The following RANBP3 variants were observed in gnomAD, a reference collection of about 807,000 sequenced individuals.
The protein encoded by RANBP3 is RAN binding protein 3.
A neutral mutation model predicts 77.3 loss-of-function variants in RANBP3; 14 were observed. That is an observed-to-expected ratio of 0.18 (90% CI 0.12 to 0.28). RANBP3 has a LOEUF of 0.28. RANBP3 is among the 10% of genes least tolerant of loss of function. RANBP3 has a pLI of 1.00. For missense variants in RANBP3, 586 were observed against 752.3 expected, an observed-to-expected ratio of 0.78 and a Z score of 2.59; for synonymous variants, 315 against 312.4, an observed-to-expected ratio of 1.01 and a Z score of -0.09.
At chr19:5,918,018 G>C in intron 15 of RANBP3, 38 bp from the exon 16 acceptor site, 1 of 1,537,862 alleles carries the variant, frequency 6.5e-7, no homozygotes, top group Non-Finnish European at 8.8e-7. Context: ...CCGGACCCCA[G>C]TCCTACCCCC....
chr19:5,935,701 G>A (rs755545650), intron 5 of RANBP3: 2 of 456,566 alleles, frequency 4.4e-6, no homozygotes, highest in South Asian at 3.1e-5. Flanking sequence ...CTAGTGCTAG[G>A]CCCAGAGCGT....
chr19:5,927,705 C>T lies in RANBP3; in HGVS notation c.813+263G>A, dbSNP rs556961920. Reference sequence around the variant, plus strand: ...CAGGTTCAGTCACCTTCCCTGTCCCCGCTACCATGAGAACCAGGGACCCTG... The same window carrying T: ...CAGGTTCAGTCACCTTCCCTGTCCCTGCTACCATGAGAACCAGGGACCCTG... On this transcript the variant is annotated intron_variant, in intron 9 of 16. Transcript: ENST00000340578. Among the ~76,000 whole-genome samples the T allele has an allele frequency of 5.3e-5, 8 of 152,326 alleles. 1 individual carries two copies. The highest frequency in any genetic ancestry group is 1.2e-4 in the African/African-American group (5 of 41,566).
At chr19:5,953,290 A>G (rs2058297134) in intron 2 of RANBP3, among the ~76,000 whole-genome samples, 1 of 152,204 alleles carries the variant, frequency 6.6e-6, no homozygotes, top group South Asian at 2.1e-4. Flanking sequence ...GCTCTAAAGA[A>G]CTAAGGTGAA....
chr19:5,960,874 A>T (rs1210055780), intron 1 of RANBP3, among the ~76,000 whole-genome samples: 1 of 152,162 alleles, frequency 6.6e-6, no homozygotes, highest in Non-Finnish European at 1.5e-5. Flanking sequence ...CCTCTGATGG[A>T]GCAACCCTGT....
At position 5,951,590 on chromosome 19, in the gene RANBP3, C is replaced by G; in HGVS notation, c.85G>C (p.Ala29Pro). The G allele has an allele frequency of 1.2e-6, 2 of 1,613,464 alleles. No individual in the cohort carries two copies. The highest frequency in any genetic ancestry group is 1.7e-6 in the Non-Finnish European group (2 of 1,179,764). The part of the protein sequence containing the change: ...FQKDKGQKSP[A>P]EQKNLSDSGE... ...GAATCCGACAAGTTTTTTTGCTCTG[C>G]AGGGGACTGGGAGCAAAAAAGACAA... The change falls in exon 3 of 17, where the codon GCA becomes CCA. Residue 29 changes from alanine to proline, a missense_variant. Around this residue, in one of 5 missense-constraint regions of RANBP3, gnomAD observed 172 missense variants for 183.4 expected, o/e 0.94. Coordinates refer to ENST00000340578, the MANE Select transcript of RANBP3 (RefSeq NM_007322.3).
rs1420881235 is a variant in RANBP3, at chr19:5,916,991, C to T, written c.*619G>A. On this transcript the variant is annotated 3_prime_UTR_variant, in exon 17 of 17. Transcript: ENST00000340578. ...CTCGAGAGCATCTTAACCTAAGAAA[C>T]CAAAACAAAGCCTTCGAAAATAAAA... 1 of 154,150 alleles carries T rather than the reference C, an allele frequency of 6.5e-6. No homozygotes were observed. The highest frequency in any genetic ancestry group is 1.5e-5 in the Non-Finnish European group (1 of 68,468). 9.5% of individuals were successfully genotyped at this position (154,150 alleles called of 1,614,324 possible). A position where few individuals can be genotyped will look rare whatever the true frequency, so the allele number is the denominator to read the frequency against.
chr19:5,948,789 T>G (rs1024445947), intron 3 of RANBP3, among the ~76,000 whole-genome samples: 1 of 152,072 alleles, frequency 6.6e-6, no homozygotes, highest in African/African-American at 2.4e-5. Context: ...AGCTCCCTGG[T>G]GGGTCTAATA....
At chr19:5,971,920 C>T (rs563534324) in intron 1 of RANBP3, among the ~76,000 whole-genome samples, 3 of 152,368 alleles carry the variant, frequency 2.0e-5, no homozygotes, top group Admixed American at 2.0e-4. Context: ...AATCTATCCA[C>T]AGGCGCAGCT....
At chr19:5,977,619 A>G (rs2058610685) in intron 1 of RANBP3, among the ~76,000 whole-genome samples, 1 of 142,644 alleles carries the variant, frequency 7.0e-6, no homozygotes, top group Non-Finnish European at 1.5e-5. Flanking sequence ...CTTAGGAGAT[A>G]GGCAGCCAGG....
rs2145191610 is a variant in RANBP3, at chr19:5,952,930, A to T, written c.79-1334T>A. Among the ~76,000 whole-genome samples, 1 of 152,252 alleles carries T rather than the reference A, an allele frequency of 6.6e-6. No homozygotes were observed. Among genetic ancestry groups the T allele is most frequent in the East Asian group, 1.9e-4 (1 of 5,150 alleles). Reference sequence around the variant, plus strand: ...CCATGTCTGTTGCTACTTGATGGTGAGAGACTTAACACCTCACAAGAGAAA... The same window carrying T: ...CCATGTCTGTTGCTACTTGATGGTGTGAGACTTAACACCTCACAAGAGAAA... On this transcript the variant is annotated intron_variant, in intron 2 of 16. Coordinates refer to ENST00000340578, the MANE Select transcript of RANBP3 (RefSeq NM_007322.3). The surrounding 1 kb of genome is among the most constrained non-coding windows in gnomAD (Gnocchi z 4.1).
intron 10 of RANBP3, 119 bp from the exon 11 acceptor site, chr19:5,925,024 T>A (rs1385231877): frequency 1.1e-6 from 1 of 892,326 alleles, no homozygotes. Context: ...CCTCCGCCAC[T>A]GTGCACGGGG....
chr19:5,921,945 A>G lies in RANBP3; in HGVS notation c.1210-624T>C, dbSNP rs1269340449. On this transcript the variant is annotated intron_variant, in intron 13 of 16. Transcript: ENST00000340578. The surrounding 1 kb of genome is among the most constrained non-coding windows in gnomAD (Gnocchi z 5.3). ...GGCTCAGCGAGAGAAGCCAGACACG[A>G]AAGGCCACATAGTGCGTTGATGCCA... is the stretch of plus-strand genomic sequence containing the variant. Among the ~76,000 whole-genome samples the G allele has an allele frequency of 6.6e-6, 1 of 152,206 alleles. No individual in the cohort carries two copies. The highest frequency in any genetic ancestry group is 2.4e-5 in the African/African-American group (1 of 41,450).
chr19:5,924,865 T>G lies in RANBP3; in HGVS notation c.958A>C (p.Lys320Gln). ...CTCATGTTCTGGCCAAATACAAATTTGTTGCTGGAGGCGTCGGCACTATTG... is the reference window on the plus strand; with the variant it reads ...CTCATGTTCTGGCCAAATACAAATTGGTTGCTGGAGGCGTCGGCACTATTG... ...STNSADASSN[K>Q]FVFGQNMSER... The change falls in exon 11 of 17, where the codon AAA becomes CAA. Residue 320 changes from lysine to glutamine, a missense_variant. This residue lies in a region of RANBP3 where 232 missense variants were observed against 271.7 expected (regional missense o/e 0.85). Transcript: ENST00000340578. This position sits in a 1 kb window ranked among gnomAD's most constrained non-coding sequence, Gnocchi z 4.7. 6.2e-7 allele frequency: 1 copy of G among 1,614,230 alleles called. No homozygotes were observed. Among genetic ancestry groups the G allele is most frequent in the Non-Finnish European group, 8.5e-7 (1 of 1,180,020 alleles).
At position 5,924,887 on chromosome 19, in the gene RANBP3, A is replaced by G; in HGVS notation, c.936T>C (p.Asn312=). 6.2e-7 allele frequency: 1 copy of G among 1,614,038 alleles called. No homozygotes were observed. Among genetic ancestry groups the G allele is most frequent in the Non-Finnish European group, 8.5e-7 (1 of 1,179,898 alleles). The part of the protein sequence containing the change: ...YISSSLENST[N]SADASSNKFV... The stretch of plus-strand genomic sequence containing the variant: ...ATTTGTTGCTGGAGGCGTCGGCACT[A>G]TTGGTTGAGTTCTCTAAACTGAAGA... The change falls in exon 11 of 17, where the codon AAT becomes AAC. Residue 312 remains asparagine, a synonymous_variant. Transcript: ENST00000340578. This position sits in a 1 kb window ranked among gnomAD's most constrained non-coding sequence, Gnocchi z 4.7.
rs2058276287 is a variant in RANBP3 at position 5,951,562 on chromosome 19, C to G, written c.113G>C (p.Gly38Ala). The change falls in exon 3 of 17, where the codon GGA becomes GCA. Residue 38 changes from glycine to alanine, a missense_variant. This residue lies in a region of RANBP3 where 172 missense variants were observed against 183.4 expected (regional missense o/e 0.94). Coordinates refer to ENST00000340578, the MANE Select transcript of RANBP3 (RefSeq NM_007322.3). ...PAEQKNLSDSGEEPRGEAEAP... is the reference protein window; with the variant it reads ...PAEQKNLSDSAEEPRGEAEAP... The stretch of plus-strand genomic sequence containing the variant: ...CTCAGCCTCCCCCCGAGGCTCCTCT[C>G]CCGAATCCGACAAGTTTTTTTGCTC... 1 of 1,613,324 alleles carries G rather than the reference C, an allele frequency of 6.2e-7. No individual in the cohort carries two copies. The highest frequency in any genetic ancestry group is 8.5e-7 in the Non-Finnish European group (1 of 1,179,776).
intron 1 of RANBP3, among the ~76,000 whole-genome samples, chr19:5,962,272 G>C (rs2058413302): frequency 6.6e-6 from 1 of 152,196 alleles, no homozygotes; most frequent in African/African-American, 2.4e-5. Context: ...ACAGGAAGCT[G>C]AGGGCAGACG....
chr19:5,975,437 A>T (rs11666597), intron 1 of RANBP3, among the ~76,000 whole-genome samples: 5,471 of 152,128 alleles, frequency 0.036, 164 homozygotes, highest in Non-Finnish European at 0.054. Flanking sequence ...GGAAAAGGGC[A>T]AGCCATAATT....
Position 5,958,097 on chromosome 19 carries a change from A to G in RANBP3, c.23-124T>C. On this transcript the variant is annotated intron_variant, in intron 1 of 16. Transcript: ENST00000340578. This position sits in a 1 kb window ranked among gnomAD's most constrained non-coding sequence, Gnocchi z 4.4. ...AAACTAGTAACTCCAGAGAACATCA[A>G]ATCACTTAGAACAGCGTCTTGACTC... is the stretch of plus-strand genomic sequence containing the variant. The G allele has an allele frequency of 2.3e-6, 2 of 871,008 alleles. No individual in the cohort carries two copies. The highest frequency in any genetic ancestry group is 1.6e-5 in the South Asian group (1 of 63,324). The allele number at this position is 871,008 out of a possible 1,614,324, so 54.0% of individuals were successfully genotyped here.
intron 8 of RANBP3, chr19:5,928,306 G>A (rs2057940377): frequency 2.5e-6 from 1 of 399,950 alleles, no homozygotes; most frequent in Admixed American, 4.5e-5. Context: ...GGGTGACAGA[G>A]CAAAAACCTG....
Sources: gnomAD v4.1 joint callset for allele counts (sites outside exome capture counted in the v4.1 genomes callset) on GRCh38, gnomAD v4.1.1 for gene constraint, gnomAD v4.1.1 regional missense constraint, Gnocchi (gnomAD v3.1) non-coding constraint, MANE v1.5 for transcripts, NCBI Gene and HGNC (gene_info 2026-07-23, HGNC 2026-07-21) for gene names.